KAT6B: variants seen among roughly 807,000 people sequenced by gnomAD.
KAT6B encodes lysine acetyltransferase 6B.
In KAT6B, 10 loss-of-function variants were observed where a neutral mutation model predicts 187.5. The ratio of observed to expected loss-of-function variants is 0.05; its 90% confidence interval spans 0.03 to 0.09. The LOEUF (loss-of-function observed/expected upper bound fraction) is 0.09. Among genes scored for constraint, KAT6B ranks in the 10% least tolerant of loss-of-function variants. The probability of loss-of-function intolerance (pLI) is 1.00; values close to 1 mark genes in which losing one functional copy is unlikely to be tolerated. For missense variants in KAT6B, 1,952 were observed against 2,558.9 expected (o/e 0.76, Z 5.12); for synonymous variants, 861 against 926.8 (o/e 0.93, Z 1.29).
intron 3 of KAT6B, among the ~76,000 whole-genome samples, chr10:74,904,546 T>C (rs1775619836): frequency 6.6e-6 from 1 of 152,152 alleles, no homozygotes; most frequent in African/African-American, 2.4e-5. Context: ...TAGGGAGAGA[T>C]TGTACAGGGG....
intron 6 of KAT6B, 84 bp from the exon 7 acceptor site, chr10:74,972,423 G>A (rs917862648): frequency 1.9e-6 from 2 of 1,047,162 alleles, no homozygotes; most frequent in Admixed American, 4.5e-5. Context: ...TCCTTGAGCA[G>A]CTTATTACAG....
chr10:74,874,882 A>G (rs1053527417), intron 3 of KAT6B, among the ~76,000 whole-genome samples: 7 of 151,602 alleles, frequency 4.6e-5, no homozygotes, highest in Admixed American at 2.6e-4. Context: ...TTGAAGAGCA[A>G]TTTTAGATTT....
chr10:74,864,988 A>G (rs1410525080), intron 3 of KAT6B, among the ~76,000 whole-genome samples: 1 of 152,208 alleles, frequency 6.6e-6, no homozygotes, highest in Non-Finnish European at 1.5e-5. Flanking sequence ...TTAGATATAT[A>G]AGACATATAT....
chr10:74,851,371 G>C (rs1173120314), intron 3 of KAT6B, among the ~76,000 whole-genome samples: 1 of 136,336 alleles, frequency 7.3e-6, no homozygotes, highest in Non-Finnish European at 1.6e-5. Flanking sequence ...GTCTTGCTAT[G>C]TTGCCAGGCT....
chr10:75,018,880 C>G (rs543591250), intron 13 of KAT6B, among the ~76,000 whole-genome samples: 2 of 152,082 alleles, frequency 1.3e-5, no homozygotes, highest in African/African-American at 4.8e-5. Context: ...TGGTTCTCAC[C>G]CCCCCAGGAG....
In KAT6B at chr10:74,917,980, T is replaced by G. The variant is rs186670863; in HGVS notation, c.622-41990T>G. On this transcript the variant is annotated intron_variant, in intron 3 of 17. Transcript: ENST00000287239. ...TCATTACTTTTTATTAATAAATATA[T>G]CCTCATATTTGTAGGGTAAGTTTTG... Among the ~76,000 whole-genome samples, 229 of 152,340 alleles carry G rather than the reference T, an allele frequency of 1.5e-3. 1 individual carries two copies. Among genetic ancestry groups the G allele is most frequent in the South Asian group, 2.5e-3 (12 of 4,828 alleles).
intron 3 of KAT6B, among the ~76,000 whole-genome samples, chr10:74,855,982 A>G (rs1842794133): frequency 6.6e-6 from 1 of 152,228 alleles, no homozygotes; most frequent in South Asian, 2.1e-4. Flanking sequence ...TAATATATCA[A>G]AAATGTTCTC....
chr10:75,029,291 C>G lies in KAT6B; in HGVS notation c.4467C>G (p.Pro1489=). The G allele has an allele frequency of 3.1e-6, 5 of 1,614,050 alleles. No individual in the cohort carries two copies. The highest frequency in any genetic ancestry group is 4.2e-6 in the Non-Finnish European group (5 of 1,180,020). Residue 1489 remains proline, a synonymous_variant, in exon 18 of 18, where the codon CCC becomes CCG. Transcript: ENST00000287239. This position sits in a 1 kb window ranked among gnomAD's most constrained non-coding sequence, Gnocchi z 6.2. ...TGACAGCTTCTTGTAACAGTGAGCC[C>G]AAGGAGCTTGCTGGGGACCCTGAAG... The part of the protein sequence containing the change: ...VDLTASCNSE[P]KELAGDPEAV...
intron 17 of KAT6B, among the ~76,000 whole-genome samples, chr10:75,026,433 T>G (rs1476911801): frequency 6.6e-6 from 1 of 152,156 alleles, no homozygotes; most frequent in Non-Finnish European, 1.5e-5. Context: ...CTTACTTTAA[T>G]CTGGGGAACA....
chr10:74,832,708 C>T (rs549240617), intron 1 of KAT6B, among the ~76,000 whole-genome samples: 28 of 152,012 alleles, frequency 1.8e-4, no homozygotes, highest in East Asian at 7.9e-4. Context: ...CCATGTTGGC[C>T]GGGCTGGTCT....
At chr10:74,954,247 C>A (rs936216017) in intron 3 of KAT6B, among the ~76,000 whole-genome samples, 1 of 152,138 alleles carries the variant, frequency 6.6e-6, no homozygotes, top group Non-Finnish European at 1.5e-5. Flanking sequence ...TATGATTTCA[C>A]TTATATGCGA....
chr10:74,932,673 C>T (rs1403015355), intron 3 of KAT6B, among the ~76,000 whole-genome samples: 1 of 152,140 alleles, frequency 6.6e-6, no homozygotes, highest in South Asian at 2.1e-4. Flanking sequence ...CATCTGCTAC[C>T]CAGTGAGAAA....
At chr10:74,957,046 A>G (rs1372954264) in intron 3 of KAT6B, among the ~76,000 whole-genome samples, 1 of 152,186 alleles carries the variant, frequency 6.6e-6, no homozygotes, top group Non-Finnish European at 1.5e-5. Context: ...TCAAATTGCC[A>G]TTTACTCAGA....
intron 3 of KAT6B, among the ~76,000 whole-genome samples, chr10:74,926,075 A>G (rs190991741): frequency 6.6e-6 from 1 of 152,358 alleles, no homozygotes; most frequent in East Asian, 1.9e-4. Flanking sequence ...TGAATCCTCT[A>G]TAATTGTTGA....
chr10:74,978,296 G>C (rs1454436695), intron 9 of KAT6B, among the ~76,000 whole-genome samples: 1 of 152,152 alleles, frequency 6.6e-6, no homozygotes, highest in African/African-American at 2.4e-5. Context: ...ATAAATGTCA[G>C]ATTTCCCCCA....
intron 1 of KAT6B, among the ~76,000 whole-genome samples, chr10:74,832,939 A>G (rs1237539658): frequency 1.3e-5 from 2 of 151,848 alleles, no homozygotes; most frequent in African/African-American, 2.4e-5. Context: ...CCTGGCCAAC[A>G]TGGTAAAACC....
chr10:74,994,969 T>C (rs1349636793), intron 13 of KAT6B, among the ~76,000 whole-genome samples: 1 of 152,192 alleles, frequency 6.6e-6, no homozygotes, highest in Non-Finnish European at 1.5e-5. Context: ...TAAACACATA[T>C]GCGTGTACAC....
chr10:74,830,650 C>CA lies in KAT6B; in HGVS notation c.-329+3866dup, dbSNP rs1258788286. The stretch of plus-strand genomic sequence containing the variant: ...CCTTGCTTCTCGCCCTCTCCAATCT[C>CA]AGCCTTTTTAGCTTTTATGATTTTA... On this transcript the variant is annotated intron_variant, in intron 1 of 17. Coordinates refer to ENST00000287239, the MANE Select transcript of KAT6B (RefSeq NM_012330.4). Among the ~76,000 whole-genome samples the CA allele has an allele frequency of 2.1e-5, 3 of 144,416 alleles. No homozygotes were observed. In the East Asian group the frequency reaches 6.1e-4, roughly 29 times the overall value. 94.7% of individuals were successfully genotyped at this position (144,416 alleles called of 152,430 possible). A position where few individuals can be genotyped will look rare whatever the true frequency, so the allele number is the denominator to read the frequency against.
intron 4 of KAT6B, among the ~76,000 whole-genome samples, chr10:74,967,761 T>G (rs575581317): frequency 2.0e-5 from 3 of 152,350 alleles, no homozygotes; most frequent in Admixed American, 2.0e-4. Flanking sequence ...TGAAAATGGC[T>G]GAAATCCACT....
Sources: gnomAD v4.1 joint callset for allele counts (sites outside exome capture counted in the v4.1 genomes callset) on GRCh38, gnomAD v4.1.1 for gene constraint, Gnocchi (gnomAD v3.1) non-coding constraint, MANE v1.5 for transcripts, NCBI Gene and HGNC (gene_info 2026-07-23, HGNC 2026-07-21) for gene names.